BBS9: variants seen among roughly 807,000 people sequenced by gnomAD.
The protein encoded by BBS9 is protein PTHB1.
Under a neutral mutation model 117.7 loss-of-function variants are expected in BBS9, and 89 were observed. The ratio of observed to expected loss-of-function variants is 0.76; its 90% confidence interval spans 0.64 to 0.90. BBS9 has a LOEUF of 0.90. BBS9 is among the 40% of genes least tolerant of loss of function. The pLI is 0.00. For synonymous variants in BBS9, 379 were observed against 370.9 expected, an observed-to-expected ratio of 1.02 and a Z score of -0.25; for missense variants, 982 against 1,042.2, an observed-to-expected ratio of 0.94 and a Z score of 0.80.
chr7:33,494,401 A>G (rs1334403484), intron 19 of BBS9, among the ~76,000 whole-genome samples: 2 of 151,766 alleles, frequency 1.3e-5, no homozygotes, highest in Non-Finnish European at 2.9e-5. Flanking sequence ...TGTATTTTAA[A>G]GTTAAATTAC....
chr7:33,543,035 A>G (rs1041001929), intron 21 of BBS9, among the ~76,000 whole-genome samples: 1 of 152,164 alleles, frequency 6.6e-6, no homozygotes, highest in African/African-American at 2.4e-5. Context: ...AGGAATCTCC[A>G]CACTGTTTCC....
At chr7:33,237,699 CCTT>C (rs1262491662) in intron 5 of BBS9, among the ~76,000 whole-genome samples, 1 of 152,160 alleles carries the variant, frequency 6.6e-6, no homozygotes, top group African/African-American at 2.4e-5. Context: ...TTTAAATTAA[CCTT>C]CTCACTGAAA....
At chr7:33,566,715 G>GTA (rs1320341640) in intron 21 of BBS9, among the ~76,000 whole-genome samples, 1 of 151,048 alleles carries the variant, frequency 6.6e-6, no homozygotes, top group African/African-American at 2.4e-5. Context: ...TATGTATACA[G>GTA]TGCATTTTTG....
intron 9 of BBS9, among the ~76,000 whole-genome samples, chr7:33,278,889 A>G (rs1368050859): frequency 6.6e-6 from 1 of 152,226 alleles, no homozygotes; most frequent in East Asian, 1.9e-4. Context: ...CACTGTACAA[A>G]CAAAATTAAT....
chr7:33,384,355 A>G (rs1032662842), intron 18 of BBS9, among the ~76,000 whole-genome samples: 2 of 152,236 alleles, frequency 1.3e-5, no homozygotes, highest in Non-Finnish European at 2.9e-5. Context: ...GTGTTCTAAC[A>G]GTAACTTTGT....
intron 21 of BBS9, among the ~76,000 whole-genome samples, chr7:33,588,359 G>C (rs59112770): frequency 4.6e-5 from 7 of 152,038 alleles, no homozygotes; most frequent in Non-Finnish European, 1.0e-4. Context: ...ACCTCCCAGC[G>C]GAAAAGGCAG....
intron 21 of BBS9, among the ~76,000 whole-genome samples, chr7:33,592,956 TTCTC>T (rs1862175623): frequency 6.6e-6 from 1 of 152,130 alleles, no homozygotes; most frequent in Non-Finnish European, 1.5e-5. Flanking sequence ...CTTCCTTTCT[TTCTC>T]AACTGTAGCT....
At chr7:33,300,849 G>A (rs1002770744) in intron 9 of BBS9, among the ~76,000 whole-genome samples, 4 of 151,828 alleles carry the variant, frequency 2.6e-5, no homozygotes, top group Admixed American at 2.0e-4. Flanking sequence ...TTTTTGTATG[G>A]GTCTACTGTT....
intron 19 of BBS9, among the ~76,000 whole-genome samples, chr7:33,411,011 G>GTTTTTT (rs765425062): frequency 3.5e-4 from 34 of 96,420 alleles, no homozygotes; most frequent in Non-Finnish European, 5.0e-4. Context: ...AAATGTTGGT[G>GTTTTTT]TTTTTTTTTT....
At chr7:33,292,934 C>T (rs561674525) in intron 9 of BBS9, among the ~76,000 whole-genome samples, 2 of 150,284 alleles carry the variant, frequency 1.3e-5, no homozygotes, top group South Asian at 2.1e-4. Context: ...TGAACCTGGG[C>T]GGCAGAGGTT....
intron 19 of BBS9, among the ~76,000 whole-genome samples, chr7:33,460,733 A>G (rs551462161): frequency 7.9e-5 from 12 of 152,020 alleles, no homozygotes; most frequent in Non-Finnish European, 1.3e-4. Context: ...ATAATTTGAG[A>G]TGAAATTCAC....
At chr7:33,432,257 C>T (rs1221296958) in intron 19 of BBS9, among the ~76,000 whole-genome samples, 9 of 149,118 alleles carry the variant, frequency 6.0e-5, no homozygotes, top group South Asian at 2.1e-4. Context: ...TACAGGTGCC[C>T]GCCACCATGC....
chr7:33,149,147 T>A (rs192657658), intron 2 of BBS9, among the ~76,000 whole-genome samples: 343 of 152,080 alleles, frequency 2.3e-3, no homozygotes, highest in African/African-American at 7.9e-3. Context: ...GTGGGAAAAA[T>A]TCAATGTGTA....
chr7:33,358,511 T>C lies in BBS9; in HGVS notation c.1693+516T>C, dbSNP rs189709136. 4.1e-3 allele frequency among the ~76,000 whole-genome samples: 621 copies of C among 152,032 alleles called. 5 individuals are homozygous for C. The highest frequency in any genetic ancestry group is 6.6e-3 in the Non-Finnish European group (450 of 67,822). The stretch of plus-strand genomic sequence containing the variant: ...TGTGCATCCTGTGCTTCTGGTTGTT[T>C]AGAAGGGTTTCATATTTAATGCTTC... On this transcript the variant is annotated intron_variant, in intron 16 of 22. Transcript: ENST00000242067.
At chr7:33,296,332 A>G (rs1000747657) in intron 9 of BBS9, among the ~76,000 whole-genome samples, 1 of 152,154 alleles carries the variant, frequency 6.6e-6, no homozygotes, top group Non-Finnish European at 1.5e-5. Context: ...TTAGAATTTA[A>G]TTTATGACAT....
At chr7:33,376,171 T>A (rs1002160563) in intron 17 of BBS9, among the ~76,000 whole-genome samples, 1 of 152,074 alleles carries the variant, frequency 6.6e-6, no homozygotes, top group African/African-American at 2.4e-5. Flanking sequence ...TTCCTGATTT[T>A]CTCCTTCCTC....
At chr7:33,524,653 A>G (rs1849189851) in intron 20 of BBS9, among the ~76,000 whole-genome samples, 1 of 151,796 alleles carries the variant, frequency 6.6e-6, no homozygotes, top group South Asian at 2.1e-4. Context: ...TTTCTTTATT[A>G]GTCTTGCTAG....
intron 9 of BBS9, among the ~76,000 whole-genome samples, chr7:33,309,232 A>G (rs1163028902): frequency 6.6e-6 from 1 of 152,222 alleles, no homozygotes; most frequent in African/African-American, 2.4e-5. Context: ...TGATTCTAAT[A>G]TGCAATAGGA....
At chr7:33,363,847 T>C (rs896126577) in intron 16 of BBS9, among the ~76,000 whole-genome samples, 3 of 152,102 alleles carry the variant, frequency 2.0e-5, no homozygotes, top group African/African-American at 7.2e-5. Flanking sequence ...GTGGATTACA[T>C]TGATTAATTT....
Sources: gnomAD v4.1 joint callset for allele counts (sites outside exome capture counted in the v4.1 genomes callset) on GRCh38, gnomAD v4.1.1 for gene constraint, MANE v1.5 for transcripts, NCBI Gene and HGNC (gene_info 2026-07-23, HGNC 2026-07-21) for gene names.